The following GC variants were observed in gnomAD, a reference collection of about 807,000 sequenced individuals.
GC encodes the protein vitamin D-binding protein.
Under a neutral mutation model 56.7 loss-of-function variants are expected in GC, and 43 were observed. That is an observed-to-expected ratio of 0.76 (90% confidence interval 0.59 to 0.98). The LOEUF is 0.98. Ranked by LOEUF, GC falls within the 50% of genes least tolerant of loss-of-function variation. The pLI, the probability that GC is intolerant of heterozygous loss-of-function variation, is 0.00. For missense variants in GC, 529 were observed against 545.9 expected (o/e 0.97, Z 0.31); for synonymous variants, 216 against 202.7 (o/e 1.07, Z -0.56).
At chr4:71,790,896 C>T (rs1386431553) in intron 1 of GC, among the ~76,000 whole-genome samples, 1 of 151,780 alleles carries the variant, frequency 6.6e-6, no homozygotes, top group African/African-American at 2.4e-5. Flanking sequence ...AGGTATATGT[C>T]CTAAAGCTAT....
At chr4:71,770,105 C>T (rs892691066) in intron 1 of GC, among the ~76,000 whole-genome samples, 4 of 152,116 alleles carry the variant, frequency 2.6e-5, no homozygotes, top group South Asian at 2.1e-4. Context: ...AACCACTCAG[C>T]GCTTGACAGG....
At chr4:71,776,963 T>A (rs1338638640) in intron 1 of GC, among the ~76,000 whole-genome samples, 3 of 151,928 alleles carry the variant, frequency 2.0e-5, no homozygotes, top group Non-Finnish European at 2.9e-5. Flanking sequence ...TCATCACACA[T>A]GTTTTTGTCA....
intron 11 of GC, among the ~76,000 whole-genome samples, chr4:71,746,663 T>C (rs1741376016): frequency 6.6e-6 from 1 of 150,680 alleles, no homozygotes; most frequent in South Asian, 2.1e-4. Context: ...GTTTAATGTG[T>C]TTGGAAAACT....
intron 1 of GC, among the ~76,000 whole-genome samples, chr4:71,800,524 T>A (rs1427874264): frequency 6.6e-6 from 1 of 152,216 alleles, no homozygotes; most frequent in Non-Finnish European, 1.5e-5. Context: ...CTATTGTGAA[T>A]AGTGCTGCAG....
intron 1 of GC, among the ~76,000 whole-genome samples, chr4:71,794,525 C>A (rs905966941): frequency 6.6e-6 from 1 of 151,950 alleles, no homozygotes; most frequent in Admixed American, 6.6e-5. Context: ...TATTTTATTG[C>A]ATCTATTTGA....
chr4:71,760,603 A>G (rs963957674), intron 6 of GC, among the ~76,000 whole-genome samples: 1 of 152,210 alleles, frequency 6.6e-6, no homozygotes, highest in African/African-American at 2.4e-5. Context: ...GGTTGCAAAT[A>G]TAAGGTTGAT....
At position 71,752,606 on chromosome 4, in the gene GC, G is replaced by A. The variant is rs4588; in HGVS notation, c.1307C>T (p.Thr436Met). Reference protein sequence around the residue: ...LKAKLPDATPTELAKLVNKHS... With the variant: ...LKAKLPDATPMELAKLVNKHS... Reference sequence around the variant, plus strand: ...CTTGTTAACCAGCTTTGCCAGTTCCGTGGGTGTGGCATCAGGCAATTTTGC... The same window carrying A: ...CTTGTTAACCAGCTTTGCCAGTTCCATGGGTGTGGCATCAGGCAATTTTGC... The change falls in exon 11 of 13, where the codon ACG becomes ATG. Residue 436 changes from threonine to methionine, a missense_variant. Thr to Met is a moderately conservative substitution (Grantham distance 81). Transcript: ENST00000273951. 6.2e-6 allele frequency: 10 copies of A among 1,613,174 alleles called. 1 individual carries two copies. In the East Asian group the frequency reaches 8.9e-5, roughly 14 times the overall value.
chr4:71,795,152 G>A (rs886518772), intron 1 of GC, among the ~76,000 whole-genome samples: 3 of 152,180 alleles, frequency 2.0e-5, no homozygotes, highest in East Asian at 1.9e-4. Flanking sequence ...GGGGTGGAGA[G>A]TTCTGTAGCT....
upstream of GC, among the ~76,000 whole-genome samples, chr4:71,787,988 C>G (rs6817912): frequency 6.6e-6 from 1 of 151,754 alleles, no homozygotes; most frequent in Non-Finnish European, 1.5e-5. Flanking sequence ...GAGTCCACCT[C>G]CTCTGTGCTT....
intron 3 of GC, 88 bp from the exon 4 acceptor site, chr4:71,765,731 A>C (rs989746939): frequency 1.3e-6 from 1 of 797,658 alleles, no homozygotes; most frequent in African/African-American, 1.8e-5. Flanking sequence ...TTAGCCTATA[A>C]TTAGAAAATT....
In GC at chr4:71,755,001, A is replaced by T; in HGVS notation, c.1141T>A (p.Ser381Thr). 1 of 1,592,946 alleles carries T rather than the reference A, an allele frequency of 6.3e-7. No homozygotes were observed. Among genetic ancestry groups the T allele is most frequent in the Non-Finnish European group, 8.5e-7 (1 of 1,172,634 alleles). ...SLGECCDVED[S>T]TTCFNAKGPL... ...ACCTTAGCATTAAAACAGGTAGTTG[A>T]GTCTTCAACATCACAGCATTCACCA... is the stretch of plus-strand genomic sequence containing the variant. The change falls in exon 9 of 13, where the codon TCA (serine) becomes ACA (threonine). Residue 381 changes from serine (S) to threonine (T), a missense_variant. Transcript: ENST00000273951.
upstream of GC, among the ~76,000 whole-genome samples, chr4:71,788,153 C>T (rs1255239320): frequency 6.6e-6 from 1 of 151,500 alleles, no homozygotes; most frequent in Non-Finnish European, 1.5e-5. Context: ...ATTTATCAAC[C>T]CTGGATTTAA....
intron 1 of GC, among the ~76,000 whole-genome samples, chr4:71,797,718 A>G (rs74500260): frequency 0.12 from 18,148 of 152,242 alleles, 1,157 homozygotes; most frequent in Middle Eastern, 0.14. Flanking sequence ...CAGGTACCGC[A>G]GTTGGAAGTG....
At chr4:71,788,402 A>C (rs1441971021), upstream of GC, among the ~76,000 whole-genome samples, 3 of 151,932 alleles carry the variant, frequency 2.0e-5, no homozygotes, top group Admixed American at 1.3e-4. Context: ...TTATTAACCA[A>C]ATGGTTTCAT....
At position 71,758,055 on chromosome 4, in the gene GC, C is replaced by T. The variant is rs764464348; in HGVS notation, c.818G>A (p.Cys273Tyr). The T allele has an allele frequency of 1.9e-6, 3 of 1,613,036 alleles. No homozygotes were observed. Among genetic ancestry groups the T allele is most frequent in the Non-Finnish European group, 2.5e-6 (3 of 1,179,392 alleles). The change falls in exon 7 of 13, where the codon TGC becomes TAC. Residue 273 changes from cysteine (C) to tyrosine (Y), a missense_variant. By Grantham distance (194) the Cys-to-Tyr change is radical (BLOSUM62 -2). Transcript: ENST00000273951. ...SKCCESASED[C>Y]MAKELPEHTV... ...AGCTTGTCTTACCTCTTTGGCCATG[C>T]AATCTTCAGAGGCAGACTCACAGCA...
intron 1 of GC, among the ~76,000 whole-genome samples, chr4:71,782,645 AT>A (rs1578315463): frequency 1.3e-5 from 2 of 151,868 alleles, no homozygotes; most frequent in East Asian, 3.9e-4. Flanking sequence ...ATGTGCACCT[AT>A]TGAGTCAGCA....
chr4:71,757,954 G>T, intron 7 of GC, 88 bp downstream of exon 7: 2 of 1,057,418 alleles, frequency 1.9e-6, no homozygotes, highest in Non-Finnish European at 2.8e-6. Context: ...TAATGCATAT[G>T]AAATAGAACT....
rs1435947046 is a variant in GC, at chr4:71,741,824, AG to A, written c.*71del. 1 of 702,982 alleles carries A rather than the reference AG, an allele frequency of 1.4e-6. No homozygotes were observed. Among genetic ancestry groups the A allele is most frequent in the Non-Finnish European group, 2.6e-6 (1 of 384,974 alleles). The allele number at this position is 702,982 out of a possible 1,614,324, so 43.5% of individuals were successfully genotyped here. A position where few individuals can be genotyped will look rare whatever the true frequency, so the allele number is the denominator to read the frequency against. ...TCCCAGAAGCTCAGTGGTTTTGCTT[AG>A]GTTAGGTCATCAGAGATCATTCCCC... On this transcript the variant is annotated 3_prime_UTR_variant, in exon 13 of 13. Transcript: ENST00000273951.
chr4:71,762,222 C>A (rs1466997851), intron 6 of GC, among the ~76,000 whole-genome samples: 4 of 152,308 alleles, frequency 2.6e-5, no homozygotes, highest in Non-Finnish European at 5.9e-5. Context: ...GACATGGAGT[C>A]AAAGGCGATC....
Sources: allele counts gnomAD v4.1 joint callset (sites outside exome capture counted in the v4.1 genomes callset), GRCh38; gene constraint gnomAD v4.1.1; transcripts MANE v1.5; gene names NCBI Gene and HGNC (gene_info 2026-07-23, HGNC 2026-07-21).